Variants in XRCC3 observed in about 807,000 individuals in gnomAD.
XRCC3 encodes the protein X-ray repair cross complementing 3, also known as DNA repair protein XRCC3.
XRCC3 carries 34 observed loss-of-function variants against 29.2 expected under a neutral mutation model. That is an observed-to-expected ratio of 1.16 (90% CI 0.88 to 1.55). The LOEUF (loss-of-function observed/expected upper bound fraction) is 1.55, where lower values mean the gene tolerates loss of function less well. XRCC3 is among the 40% of genes most tolerant of loss of function. The probability of loss-of-function intolerance (pLI) is 0.00; values close to 1 mark genes in which losing one functional copy is unlikely to be tolerated. For synonymous variants in XRCC3, 223 were observed against 211.3 expected (o/e 1.06, Z -0.48); for missense variants, 463 against 467.6 (o/e 0.99, Z 0.09).
chr14:103,703,427 T>C lies in XRCC3; in HGVS notation c.407-100A>G, dbSNP rs996002151. 8.1e-6 allele frequency: 11 copies of C among 1,358,556 alleles called. No individual in the cohort carries two copies. In the African/African-American group the frequency reaches 8.6e-5, roughly 11 times the overall value. 84.2% of individuals were successfully genotyped at this position (1,358,556 alleles called of 1,614,324 possible). On this transcript the variant is annotated intron_variant, in intron 6 of 9. Coordinates refer to ENST00000555055, the MANE Select transcript of XRCC3 (RefSeq NM_005432.4). Reference sequence around the variant, plus strand: ...ATGTCTCCCGCCATTTCTAACTCTCTGCCCCTCACAGGTTCTTTGCCCCTC... The same window carrying C: ...ATGTCTCCCGCCATTTCTAACTCTCCGCCCCTCACAGGTTCTTTGCCCCTC...
Position 103,715,435 on chromosome 14 carries a change from T to C in XRCC3, c.-329A>G, listed in dbSNP as rs1255480143. ...TCGGCGGGCCTCACCTCCCGCGGGTTCCGCACTCCTCTTCCCGCCGTCCTG... is the reference window on the plus strand; with the variant it reads ...TCGGCGGGCCTCACCTCCCGCGGGTCCCGCACTCCTCTTCCCGCCGTCCTG... On this transcript the variant is annotated 5_prime_UTR_variant, in exon 1 of 10. Coordinates refer to ENST00000555055, the MANE Select transcript of XRCC3 (RefSeq NM_005432.4). The C allele has an allele frequency of 2.0e-5, 3 of 153,222 alleles. No homozygotes were observed. Among genetic ancestry groups the C allele is most frequent in the African/African-American group, 7.2e-5 (3 of 41,496 alleles). The allele number at this position is 153,222 out of a possible 1,614,324, so 9.5% of individuals were successfully genotyped here. A position where few individuals can be genotyped will look rare whatever the true frequency, so the allele number is the denominator to read the frequency against.
chr14:103,708,416 G>T, intron 5 of XRCC3, 106 bp downstream of exon 5: 1 of 1,540,936 alleles, frequency 6.5e-7, no homozygotes, highest in Non-Finnish European at 8.9e-7. Context: ...CACACGCCCT[G>T]AGGCTGGTCC....
intron 7 of XRCC3, 150 bp downstream of exon 7, chr14:103,703,023 C>A: frequency 8.1e-7 from 1 of 1,231,920 alleles, no homozygotes; most frequent in South Asian, 1.4e-5. Context: ...GCTCCTCGGG[C>A]GTAAACCCCC....
At position 103,701,313 on chromosome 14, in the gene XRCC3, C is replaced by T. The variant is rs1019508599; in HGVS notation, c.562-1737G>A. Reference sequence around the variant, plus strand: ...CTGGCCGGGAGCCGCAGCGCTCACTCATTTCTCCTGCGTCTGTGTGCATAG... The same window carrying T: ...CTGGCCGGGAGCCGCAGCGCTCACTTATTTCTCCTGCGTCTGTGTGCATAG... On this transcript the variant is annotated intron_variant, in intron 7 of 9. Transcript: ENST00000555055. The T allele has an allele frequency of 4.4e-6, 5 of 1,144,330 alleles. No homozygotes were observed. In the African/African-American group the frequency reaches 6.1e-5, roughly 14 times the overall value. 70.9% of individuals were successfully genotyped at this position (1,144,330 alleles called of 1,614,324 possible).
At chr14:103,706,621 C>T in intron 6 of XRCC3, 1 of 380,182 alleles carries the variant, frequency 2.6e-6, no homozygotes, top group South Asian at 2.1e-5. Context: ...CATACCTGGC[C>T]TGGCGGCGGG....
intron 5 of XRCC3, 135 bp from the exon 6 acceptor site, chr14:103,707,350 G>T: frequency 8.8e-7 from 1 of 1,142,360 alleles, no homozygotes; most frequent in Non-Finnish European, 1.3e-6. Flanking sequence ...TCATGGGGGT[G>T]AGCAAGGTGC....
chr14:103,710,711 A>C (rs1317639336), intron 4 of XRCC3: 17 of 322,310 alleles, frequency 5.3e-5, no homozygotes, highest in Admixed American at 3.3e-4. Context: ...CACTGCACTC[A>C]AGCCTGGGTG....
In XRCC3 at chr14:103,699,348, C is replaced by A; in HGVS notation, c.774+16G>T. The A allele has an allele frequency of 6.3e-7, 1 of 1,589,632 alleles. No individual in the cohort carries two copies. The highest frequency in any genetic ancestry group is 1.1e-5 in the South Asian group (1 of 88,806). On this transcript the variant is annotated intron_variant, in intron 8 of 9. Transcript: ENST00000555055. ...AAAATACGAGCTCAGGGGTGCAACC[C>A]TGCCTTGGTGCTCACCTGGTTGATG...
At chr14:103,700,709 G>A (rs747613198) in intron 7 of XRCC3, 2 of 1,602,926 alleles carry the variant, frequency 1.2e-6, no homozygotes, top group Non-Finnish European at 1.7e-6. Flanking sequence ...GCAGTGGCCT[G>A]GAAGACGCCA....
rs1416004318 is a variant in XRCC3 at position 103,698,825 on chromosome 14, T to C, written c.1014A>G (p.Arg338=). 6.2e-7 allele frequency: 1 copy of C among 1,604,232 alleles called. No individual in the cohort carries two copies. Among genetic ancestry groups the C allele is most frequent in the Non-Finnish European group, 8.5e-7 (1 of 1,176,214 alleles). ...CSYTISAEGV[R]GTPGTQSH ...AGTGGGACTGGGTCCCAGGTGTCCC[T>C]CGCACCCCTTCGGCACTGATCGTGT... is the stretch of plus-strand genomic sequence containing the variant. The change falls in exon 10 of 10, where the codon CGA becomes CGG. Residue 338 remains arginine, a synonymous_variant. Transcript: ENST00000555055.
chr14:103,711,277 A>G (rs2151943620), intron 3 of XRCC3, 32 bp from the exon 4 acceptor site: 1 of 690,634 alleles, frequency 1.4e-6, no homozygotes. Flanking sequence ...CTGTAGAGGG[A>G]AGGCTGTCTA....
At chr14:103,706,878 G>T in intron 6 of XRCC3, 125 bp downstream of exon 6, 1 of 1,093,992 alleles carries the variant, frequency 9.1e-7, no homozygotes, top group Non-Finnish European at 1.3e-6. Flanking sequence ...AGGGTGAGAA[G>T]GAGGGAGACG....
intron 4 of XRCC3, 131 bp from the exon 5 acceptor site, chr14:103,708,790 G>A: frequency 8.1e-7 from 1 of 1,237,208 alleles, no homozygotes; most frequent in Non-Finnish European, 1.2e-6. Flanking sequence ...AAGGTGGGTA[G>A]GGACCGGATC....
At position 103,698,812 on chromosome 14, in the gene XRCC3, TC is replaced by T; in HGVS notation, c.1026del (p.Thr343ProfsTer26). 2 of 1,599,948 alleles carry T rather than the reference TC, an allele frequency of 1.3e-6. No homozygotes were observed. Among genetic ancestry groups the T allele is most frequent in the African/African-American group, 2.7e-5 (2 of 74,786 alleles). On this transcript the variant is annotated frameshift_variant, in exon 10 of 10. Transcript: ENST00000555055. LOFTEE classifies it high-confidence loss of function. The part of the protein sequence containing the change: ...ISAEGVRGTP[G>X]TQSH Reference sequence around the variant, plus strand: ...CCGCCACCGTGTCAGTGGGACTGGGTCCCAGGTGTCCCTCGCACCCCTTCGG... The same window carrying T: ...CCGCCACCGTGTCAGTGGGACTGGGTCCAGGTGTCCCTCGCACCCCTTCGG...
intron 5 of XRCC3, chr14:103,707,506 A>AGAGAGCCCCGAGGCGCTCCCT (rs1195864638): frequency 3.8e-6 from 2 of 520,602 alleles, no homozygotes; most frequent in African/African-American, 1.9e-5. Flanking sequence ...CAAAGCTTCC[A>AGAGAGCCCCGAGGCGCTCCCT]GAGAGCCCCG....
chr14:103,707,299 C>G, intron 5 of XRCC3, 84 bp from the exon 6 acceptor site: 1 of 1,499,444 alleles, frequency 6.7e-7, no homozygotes, highest in Non-Finnish European at 9.0e-7. Flanking sequence ...GTCAGCCTGC[C>G]TGTGCCAGGT....
rs2082763388 is a variant in XRCC3, at chr14:103,698,455, G to A, written c.*343C>T. 2 of 366,910 alleles carry A rather than the reference G, an allele frequency of 5.5e-6. No homozygotes were observed. Among genetic ancestry groups the A allele is most frequent in the African/African-American group, 2.1e-5 (1 of 47,788 alleles). 22.7% of individuals were successfully genotyped at this position (366,910 alleles called of 1,614,324 possible). On this transcript the variant is annotated 3_prime_UTR_variant, in exon 10 of 10. Transcript: ENST00000555055. ...GACGCAACCCCAGTTGGGCTTCCATGTGGAGAGAAGAAGCAGGCGGCTCCC... is the reference window on the plus strand; with the variant it reads ...GACGCAACCCCAGTTGGGCTTCCATATGGAGAGAAGAAGCAGGCGGCTCCC...
rs117655774 is a variant in XRCC3 at position 103,707,603 on chromosome 14, G to A, written c.194-388C>T. On this transcript the variant is annotated intron_variant, in intron 5 of 9. Coordinates refer to ENST00000555055, the MANE Select transcript of XRCC3 (RefSeq NM_005432.4). ...CTGGGGTGCTGAACAGTTCTCAAGC[G>A]GCTTTAATGGGCTCCCGCAGGCGCG... 469 of 352,102 alleles carry A rather than the reference G, an allele frequency of 1.3e-3. 5 individuals are homozygous for A. The East Asian group carries it at 0.021, about 15-fold the overall frequency. 21.8% of individuals were successfully genotyped at this position (352,102 alleles called of 1,614,324 possible). A position where few individuals can be genotyped will look rare whatever the true frequency, so the allele number is the denominator to read the frequency against.
At chr14:103,704,526 C>T (rs1265367185) in intron 6 of XRCC3, 1 of 152,256 alleles carries the variant, frequency 6.6e-6, no homozygotes, top group Non-Finnish European at 1.5e-5. Context: ...CCTGCCTCAG[C>T]CTTCTGAGTA....
Sources: gnomAD v4.1 joint callset for allele counts on GRCh38, gnomAD v4.1.1 for gene constraint, MANE v1.5 for transcripts, NCBI Gene and HGNC (gene_info 2026-07-23, HGNC 2026-07-21) for gene names.